The following NWD2 variants were observed in gnomAD, a reference collection of about 807,000 sequenced individuals.
The protein encoded by NWD2 is NACHT and WD repeat domain containing 2.
In NWD2, 37 loss-of-function variants were observed where a neutral mutation model predicts 132.7. The observed-to-expected ratio is 0.28, with a 90% CI of 0.21 to 0.37. The LOEUF is 0.37. NWD2 is among the 10% of genes least tolerant of loss of function. NWD2 has a pLI of 1.00. For missense variants in NWD2, 1,592 were observed against 2,122.4 expected (o/e 0.75, Z 4.91); for synonymous variants, 705 against 803.0 (o/e 0.88, Z 2.06).
chr4:37,429,376 G>T (rs759701445), intron 3 of NWD2, among the ~76,000 whole-genome samples: 1 of 151,870 alleles, frequency 6.6e-6, no homozygotes, highest in Middle Eastern at 3.2e-3. Context: ...GTGCAGTGGC[G>T]CAATCTTGGC....
intron 1 of NWD2, among the ~76,000 whole-genome samples, chr4:37,322,583 A>G (rs1719090072): frequency 6.6e-6 from 1 of 152,298 alleles, no homozygotes; most frequent in Admixed American, 6.5e-5. Flanking sequence ...CATTTCATTT[A>G]AAGGTCCGTG....
At chr4:37,246,647 G>A (rs377097708) in intron 1 of NWD2, among the ~76,000 whole-genome samples, 107 of 152,256 alleles carry the variant, frequency 7.0e-4, no homozygotes, top group African/African-American at 2.6e-3. Context: ...TAAGGGTTGA[G>A]GGTTACTTCT....
intron 1 of NWD2, among the ~76,000 whole-genome samples, chr4:37,276,410 T>A (rs917339770): frequency 6.6e-6 from 1 of 152,192 alleles, no homozygotes; most frequent in Admixed American, 6.5e-5. Context: ...TCACACCAGT[T>A]AGAATGGCGA....
chr4:37,425,404 A>C (rs1170779152), intron 3 of NWD2, among the ~76,000 whole-genome samples: 1 of 152,090 alleles, frequency 6.6e-6, no homozygotes, highest in Non-Finnish European at 1.5e-5. Flanking sequence ...TGCCTAGCTG[A>C]TATTATGTGT....
intron 3 of NWD2, among the ~76,000 whole-genome samples, chr4:37,382,943 C>T (rs1720485405): frequency 6.6e-6 from 1 of 151,968 alleles, no homozygotes; most frequent in Admixed American, 6.6e-5. Flanking sequence ...ATCCACCCAC[C>T]TTGACCTCCC....
At chr4:37,361,185 A>G (rs1037284140) in intron 3 of NWD2, among the ~76,000 whole-genome samples, 9 of 151,990 alleles carry the variant, frequency 5.9e-5, no homozygotes, top group African/African-American at 2.2e-4. Context: ...TCAGTAATAA[A>G]CCTACCAACC....
chr4:37,445,316 G>T lies in NWD2; in HGVS notation c.3328G>T (p.Gly1110Cys). Residue 1110 changes from glycine to cysteine, a missense_variant, in exon 7 of 7, where the codon GGT (glycine) becomes TGT (cysteine). Gly to Cys is a radical substitution (Grantham distance 159). Coordinates refer to ENST00000309447, the MANE Select transcript of NWD2 (RefSeq NM_001144990.2). The surrounding 1 kb of genome is among the most constrained non-coding windows in gnomAD (Gnocchi z 4.7). ...EVTCVQCSLD[G>C]LYAFCGQYLN... ...GACGTGCGTCCAGTGCTCCCTGGATGGTCTGTATGCTTTCTGTGGCCAATA... is the reference window on the plus strand; with the variant it reads ...GACGTGCGTCCAGTGCTCCCTGGATTGTCTGTATGCTTTCTGTGGCCAATA... The T allele has an allele frequency of 6.4e-7, 1 of 1,552,060 alleles. No homozygotes were observed. The highest frequency in any genetic ancestry group is 1.2e-5 in the South Asian group (1 of 84,050).
In NWD2 at chr4:37,351,825, A is replaced by G. The variant is rs971075351; in HGVS notation, c.241-4541A>G. Among the ~76,000 whole-genome samples the G allele has an allele frequency of 5.9e-5, 9 of 152,116 alleles. No individual in the cohort carries two copies. In the East Asian group the frequency reaches 1.3e-3, roughly 23 times the overall value. On this transcript the variant is annotated intron_variant, in intron 2 of 6. Coordinates refer to ENST00000309447, the MANE Select transcript of NWD2 (RefSeq NM_001144990.2). ...TCCTGTGGGCATTTTAGTGCTATAA[A>G]TTTCCCTCTAAACACTGCTTTAGCT... is the stretch of plus-strand genomic sequence containing the variant.
At chr4:37,349,434 T>G (rs1719717776) in intron 2 of NWD2, among the ~76,000 whole-genome samples, 1 of 152,208 alleles carries the variant, frequency 6.6e-6, no homozygotes, top group Admixed American at 6.5e-5. Flanking sequence ...TAATGACCAG[T>G]GATCATGAGC....
intron 3 of NWD2, among the ~76,000 whole-genome samples, chr4:37,375,603 C>T (rs1720331195): frequency 6.8e-6 from 1 of 146,502 alleles, no homozygotes; most frequent in Non-Finnish European, 1.5e-5. Context: ...GAGTCTGGCT[C>T]TGTCACCCAG....
chr4:37,422,094 G>A (rs572766983), intron 3 of NWD2, among the ~76,000 whole-genome samples: 93 of 152,212 alleles, frequency 6.1e-4, no homozygotes, highest in African/African-American at 2.0e-3. Flanking sequence ...CAGTCACATG[G>A]GTAGTTAGGG....
At chr4:37,342,137 G>A (rs893240243) in intron 2 of NWD2, among the ~76,000 whole-genome samples, 4 of 152,168 alleles carry the variant, frequency 2.6e-5, no homozygotes, top group Non-Finnish European at 5.9e-5. Context: ...GGCCTGGTGG[G>A]AGGTGTTTGG....
chr4:37,287,019 A>G (rs911939728), intron 1 of NWD2, among the ~76,000 whole-genome samples: 6 of 152,070 alleles, frequency 3.9e-5, no homozygotes, highest in African/African-American at 1.4e-4. Context: ...ATCCATGGAG[A>G]GGAAGGAAGA....
intron 3 of NWD2, 76 bp from the exon 4 acceptor site, chr4:37,430,496 A>G: frequency 1.0e-6 from 1 of 1,003,710 alleles, no homozygotes; most frequent in African/African-American, 1.6e-5. Context: ...ATATTTATTC[A>G]GTGACCATGT....
At chr4:37,378,303 T>G (rs62304160) in intron 3 of NWD2, among the ~76,000 whole-genome samples, 54 of 152,234 alleles carry the variant, frequency 3.5e-4, no homozygotes, top group Non-Finnish European at 7.2e-4. Flanking sequence ...GACAGTCATC[T>G]TTATGGACGA....
chr4:37,386,990 G>A (rs1288281064), intron 3 of NWD2, among the ~76,000 whole-genome samples: 1 of 152,148 alleles, frequency 6.6e-6, no homozygotes, highest in Non-Finnish European at 1.5e-5. Flanking sequence ...GCAGAATTAT[G>A]AGCCAAGTAA....
rs74407898 is a variant in NWD2, at chr4:37,370,182, A to G, written c.357+13700A>G. On this transcript the variant is annotated intron_variant, in intron 3 of 6. Transcript: ENST00000309447. Reference sequence around the variant, plus strand: ...TTGTTTACGCATGATATCTCTGATTATGGAAGAAATAATAGTTTTAACTGT... The same window carrying G: ...TTGTTTACGCATGATATCTCTGATTGTGGAAGAAATAATAGTTTTAACTGT... 1.6e-4 allele frequency among the ~76,000 whole-genome samples: 25 copies of G among 152,352 alleles called. 1 individual carries two copies. In the East Asian group the frequency reaches 4.6e-3, roughly 28 times the overall value.
intron 2 of NWD2, among the ~76,000 whole-genome samples, chr4:37,339,822 C>G (rs1346417283): frequency 6.6e-6 from 1 of 152,168 alleles, no homozygotes; most frequent in Admixed American, 6.5e-5. Context: ...TTCTCACTCC[C>G]TCTCACCCTC....
At chr4:37,408,699 C>T (rs975312250) in intron 3 of NWD2, among the ~76,000 whole-genome samples, 1 of 152,176 alleles carries the variant, frequency 6.6e-6, no homozygotes, top group Non-Finnish European at 1.5e-5. Context: ...ACTGCCTCCT[C>T]GAGTGGGTCC....
Sources: gnomAD v4.1 joint callset for allele counts (sites outside exome capture counted in the v4.1 genomes callset) on GRCh38, gnomAD v4.1.1 for gene constraint, Gnocchi (gnomAD v3.1) non-coding constraint, MANE v1.5 for transcripts, NCBI Gene and HGNC (gene_info 2026-07-23, HGNC 2026-07-21) for gene names.